The following LRP1B variants were observed in gnomAD, a reference collection of about 807,000 sequenced individuals.
The protein encoded by LRP1B is low-density lipoprotein receptor-related protein 1B.
LRP1B carries 217 observed loss-of-function variants against 556.6 expected under a neutral mutation model. That is an observed-to-expected ratio of 0.39 (90% CI 0.35 to 0.44). LRP1B has a LOEUF of 0.44. LRP1B is among the 20% of genes least tolerant of loss of function. The pLI, the probability that LRP1B is intolerant of heterozygous loss-of-function variation, is 1.00. For missense variants in LRP1B, 5,053 were observed against 5,620.8 expected (o/e 0.90, Z 3.23); for synonymous variants, 2,047 against 1,865.8 (o/e 1.10, Z -2.50).
At chr2:140,767,968 G>C (rs79857913) in intron 35 of LRP1B, among the ~76,000 whole-genome samples, 7,643 of 151,838 alleles carry the variant, frequency 0.05, 263 homozygotes, top group Admixed American at 0.11. Flanking sequence ...TAAGAGACAA[G>C]GTAGATTATT....
intron 82 of LRP1B, among the ~76,000 whole-genome samples, chr2:140,321,137 A>AAGT (rs1680096165): frequency 6.6e-6 from 1 of 152,096 alleles, no homozygotes; most frequent in South Asian, 2.1e-4. Flanking sequence ...TTTCCCCATT[A>AAGT]TACCTAATGT....
chr2:140,843,075 TTTTTTGTTTGTTTTTTTTTTTTTTG>T (rs1559151564), intron 29 of LRP1B, among the ~76,000 whole-genome samples: 4,226 of 27,590 alleles, frequency 0.15, 381 homozygotes, highest in East Asian at 0.33. Context: ...TTGTTTTTTT[TTTTTTGTTTGTTTTTTTTTTTTTTG>T]TTTTTTTTTT....
chr2:142,003,999 G>A (rs1415883892), intron 1 of LRP1B, among the ~76,000 whole-genome samples: 2 of 152,148 alleles, frequency 1.3e-5, no homozygotes, highest in Non-Finnish European at 2.9e-5. Flanking sequence ...AATAGTAAAT[G>A]CAGAGGGAAT....
Position 140,804,227 on chromosome 2 carries a change from T to A in LRP1B, c.5359+9430A>T, listed in dbSNP as rs189297444. ...AGACAGCATATAGACTCCTTTCAAA[T>A]CAGATTTCAGTGTAAATCTGCGAGT... On this transcript the variant is annotated intron_variant, in intron 32 of 90. Coordinates refer to ENST00000389484, the MANE Select transcript of LRP1B (RefSeq NM_018557.3). Among the ~76,000 whole-genome samples, 735 of 152,194 alleles carry A rather than the reference T, an allele frequency of 4.8e-3. 10 individuals carry two copies. Among genetic ancestry groups the A allele is most frequent in the African/African-American group, 0.017 (695 of 41,534 alleles).
At chr2:141,291,172 C>T (rs942833325) in intron 3 of LRP1B, among the ~76,000 whole-genome samples, 2 of 151,968 alleles carry the variant, frequency 1.3e-5, no homozygotes, top group Non-Finnish European at 2.9e-5. Flanking sequence ...AGGAAATTTC[C>T]ACTCTATATT....
At position 140,350,995 on chromosome 2, in the gene LRP1B, G is replaced by C. The variant is rs371942083; in HGVS notation, c.11694C>G (p.Ile3898Met). 2 of 1,601,254 alleles carry C rather than the reference G, an allele frequency of 1.2e-6. No individual in the cohort carries two copies. The highest frequency in any genetic ancestry group is 1.7e-6 in the Non-Finnish European group (2 of 1,169,708). The change falls in exon 77 of 91, where the codon ATC (isoleucine) becomes ATG (methionine). Residue 3898 changes from isoleucine to methionine, a missense_variant. Physicochemically the swap from Ile to Met is conservative, Grantham distance 10. Around this residue, in one of 5 missense-constraint regions of LRP1B, gnomAD observed 599 missense variants for 648.4 expected, o/e 0.92. Coordinates refer to ENST00000389484, the MANE Select transcript of LRP1B (RefSeq NM_018557.3). ...AGTTGAATGGATATATAAAACCCAG[G>C]ATATCAGTGTCATTAGCAATGTAGA... The part of the protein sequence containing the change: ...QVLYIANDTD[I>M]LGFIYPFNYS...
In LRP1B at chr2:141,233,101, C is replaced by T. The variant is rs1394998666; in HGVS notation, c.593-3661G>A. On this transcript the variant is annotated intron_variant, in intron 5 of 90. Coordinates refer to ENST00000389484, the MANE Select transcript of LRP1B (RefSeq NM_018557.3). ...ATGTGATGATCTTATTGGTTGTCATCCTTAGTCAATGGACAGTTTTCCCAA... is the reference window on the plus strand; with the variant it reads ...ATGTGATGATCTTATTGGTTGTCATTCTTAGTCAATGGACAGTTTTCCCAA... Among the ~76,000 whole-genome samples the T allele has an allele frequency of 2.0e-5, 3 of 152,146 alleles. No homozygotes were observed. In the East Asian group the frequency reaches 5.8e-4, roughly 29 times the overall value.
At position 140,610,919 on chromosome 2, in the gene LRP1B, T is replaced by C. The variant is rs369819993; in HGVS notation, c.6800-9280A>G. Among the ~76,000 whole-genome samples, 35 of 152,348 alleles carry C rather than the reference T, an allele frequency of 2.3e-4. No homozygotes were observed. In the East Asian group the frequency reaches 2.9e-3, roughly 13 times the overall value. Reference sequence around the variant, plus strand: ...CTTGTCTGAAATACAGAGATAGTAATGGTAACAAATTCATAAGACATTTGT... The same window carrying C: ...CTTGTCTGAAATACAGAGATAGTAACGGTAACAAATTCATAAGACATTTGT... On this transcript the variant is annotated intron_variant, in intron 41 of 90. Coordinates refer to ENST00000389484, the MANE Select transcript of LRP1B (RefSeq NM_018557.3).
intron 6 of LRP1B, among the ~76,000 whole-genome samples, chr2:141,204,125 G>A (rs1254085566): frequency 6.6e-6 from 1 of 152,146 alleles, no homozygotes; most frequent in East Asian, 1.9e-4. Context: ...CAATTTTAAT[G>A]AGGTTGGACA....
chr2:140,567,256 T>C (rs1681161193), intron 43 of LRP1B, among the ~76,000 whole-genome samples: 1 of 152,096 alleles, frequency 6.6e-6, no homozygotes, highest in African/African-American at 2.4e-5. Context: ...TGTTCTGCCA[T>C]TTTGGACTAC....
chr2:140,654,564 T>A (rs1368579204), intron 41 of LRP1B, among the ~76,000 whole-genome samples: 9 of 152,110 alleles, frequency 5.9e-5, no homozygotes, highest in Admixed American at 5.9e-4. Flanking sequence ...TTTAAAATGC[T>A]GAATATTAGT....
At chr2:141,530,927 T>C (rs923193669) in intron 2 of LRP1B, among the ~76,000 whole-genome samples, 22 of 150,916 alleles carry the variant, frequency 1.5e-4, no homozygotes, top group South Asian at 4.2e-4. Context: ...ATGGATCAGG[T>C]AGTACCTTAC....
intron 52 of LRP1B, 38 bp from the exon 53 acceptor site, chr2:140,506,956 A>G (rs1220106418): frequency 6.2e-7 from 1 of 1,601,112 alleles, no homozygotes; most frequent in South Asian, 1.1e-5. Context: ...TTAGATGAGC[A>G]CATATGTTAT....
chr2:141,694,199 T>C (rs1429474090), intron 2 of LRP1B, among the ~76,000 whole-genome samples: 1 of 152,094 alleles, frequency 6.6e-6, no homozygotes, highest in Non-Finnish European at 1.5e-5. Context: ...ATTGGGATTC[T>C]ACAACTTTGA....
intron 1 of LRP1B, among the ~76,000 whole-genome samples, chr2:141,988,488 G>A (rs573144921): frequency 1.3e-5 from 2 of 152,032 alleles, no homozygotes; most frequent in African/African-American, 2.4e-5. Flanking sequence ...ACATTATCCA[G>A]TGGCAATATT....
intron 7 of LRP1B, among the ~76,000 whole-genome samples, chr2:141,127,719 T>C (rs1387676572): frequency 6.6e-6 from 1 of 152,122 alleles, no homozygotes; most frequent in Admixed American, 6.6e-5. Flanking sequence ...CTTCTCTCTC[T>C]CTTTATGGTT....
chr2:141,323,921 C>CCA (rs57844457), intron 3 of LRP1B, among the ~76,000 whole-genome samples: 30,863 of 129,602 alleles, frequency 0.24, 5,410 homozygotes, highest in African/African-American at 0.49. Flanking sequence ...AACGAGGAAA[C>CCA]CACACACACA....
chr2:142,061,090 T>C (rs1205427838), intron 1 of LRP1B, among the ~76,000 whole-genome samples: 2 of 152,028 alleles, frequency 1.3e-5, no homozygotes, highest in East Asian at 1.9e-4. Flanking sequence ...TTCATTTCTT[T>C]CCAGGAATTA....
At position 142,047,376 on chromosome 2, in the gene LRP1B, G is replaced by GA. The variant is rs1009007496; in HGVS notation, c.82+83271dup. Among the ~76,000 whole-genome samples, 13 of 151,414 alleles carry GA rather than the reference G, an allele frequency of 8.6e-5. No individual in the cohort carries two copies. In the South Asian group the frequency reaches 1.3e-3, roughly 15 times the overall value. On this transcript the variant is annotated intron_variant, in intron 1 of 90. Transcript: ENST00000389484. Reference sequence around the variant, plus strand: ...AGGTAGCAGTCCACACACTTCAATGGAAAAAAAATATGCTAGGTTTTTCAA... The same window carrying GA: ...AGGTAGCAGTCCACACACTTCAATGGAAAAAAAAATATGCTAGGTTTTTCAA...
Sources: allele counts gnomAD v4.1 joint callset (sites outside exome capture counted in the v4.1 genomes callset), GRCh38; gene constraint gnomAD v4.1.1; regional missense constraint gnomAD v4.1.1; transcripts MANE v1.5; gene names NCBI Gene and HGNC (gene_info 2026-07-23, HGNC 2026-07-21).